The following PGGT1B variants were observed in gnomAD, a reference collection of about 807,000 sequenced individuals.
The protein encoded by PGGT1B is protein geranylgeranyltransferase type I subunit beta, also known as geranylgeranyl transferase type-1 subunit beta.
PGGT1B carries 30 observed loss-of-function variants against 46.1 expected under a neutral mutation model. That is an observed-to-expected ratio of 0.65 (90% CI 0.49 to 0.88). The LOEUF is 0.88. PGGT1B is among the 40% of genes least tolerant of loss of function. PGGT1B has a pLI of 0.00. For missense variants in PGGT1B, 376 were observed against 455.9 expected, an observed-to-expected ratio of 0.82 and a Z score of 1.60; for synonymous variants, 170 against 160.0, an observed-to-expected ratio of 1.06 and a Z score of -0.47.
At chr5:115,236,316 G>C in intron 5 of PGGT1B, 74 bp downstream of exon 5, 1 of 1,101,012 alleles carries the variant, frequency 9.1e-7, no homozygotes, top group South Asian at 1.6e-5. Context: ...GAAGAGATGA[G>C]ACATACACTA....
At chr5:115,247,670 A>G (rs1747912602) in intron 2 of PGGT1B, among the ~76,000 whole-genome samples, 1 of 152,200 alleles carries the variant, frequency 6.6e-6, no homozygotes, top group South Asian at 2.1e-4. Flanking sequence ...GAAACATTCA[A>G]TAGCTAAAAA....
chr5:115,219,771 A>C (rs1009681702), intron 7 of PGGT1B, among the ~76,000 whole-genome samples: 2 of 151,870 alleles, frequency 1.3e-5, no homozygotes, highest in African/African-American at 4.8e-5. Context: ...AAAAATAGGC[A>C]AAGGGTTTGA....
In PGGT1B at chr5:115,210,702, C is replaced by T. The variant is rs1756195177; in HGVS notation, c.*1700G>A. 1 of 151,814 alleles carries T rather than the reference C, an allele frequency of 6.6e-6. No individual in the cohort carries two copies. The highest frequency in any genetic ancestry group is 2.4e-5 in the African/African-American group (1 of 41,354). 9.4% of individuals were successfully genotyped at this position (151,814 alleles called of 1,614,324 possible). ...AAACAATTTGGGCTTTTTATATAGTCCTAAAGCCATTATATATATGCTACT... is the reference window on the plus strand; with the variant it reads ...AAACAATTTGGGCTTTTTATATAGTTCTAAAGCCATTATATATATGCTACT... On this transcript the variant is annotated 3_prime_UTR_variant, in exon 9 of 9. Coordinates refer to ENST00000419445, the MANE Select transcript of PGGT1B (RefSeq NM_005023.4).
intron 5 of PGGT1B, among the ~76,000 whole-genome samples, chr5:115,233,545 G>GA (rs202078462): frequency 0.012 from 1,521 of 131,840 alleles, 27 homozygotes; most frequent in African/African-American, 0.041. Flanking sequence ...AAAAAAGAAG[G>GA]AAAAAAAAAA....
At chr5:115,242,138 G>C (rs369699205) in intron 2 of PGGT1B, among the ~76,000 whole-genome samples, 45 of 152,280 alleles carry the variant, frequency 3.0e-4, no homozygotes, top group African/African-American at 1.1e-3. Flanking sequence ...CCTTCGTTCT[G>C]AGTCCAGTAA....
chr5:115,240,978 G>A (rs1165733368), intron 3 of PGGT1B, among the ~76,000 whole-genome samples: 2 of 152,170 alleles, frequency 1.3e-5, no homozygotes, highest in Non-Finnish European at 2.9e-5. Context: ...AGGACTCACT[G>A]TTTTTATATT....
intron 8 of PGGT1B, 33 bp downstream of exon 8, chr5:115,216,832 A>C: frequency 7.7e-6 from 8 of 1,032,532 alleles, no homozygotes; most frequent in Non-Finnish European, 1.2e-5. Flanking sequence ...TCAGGAAATA[A>C]AGGTTGTTCT....
chr5:115,219,322 C>T (rs1057406782), intron 7 of PGGT1B, among the ~76,000 whole-genome samples: 2 of 151,890 alleles, frequency 1.3e-5, no homozygotes, highest in African/African-American at 2.4e-5. Flanking sequence ...TGACTTTTGA[C>T]AAGGGTGCCA....
At chr5:115,254,275 C>T (rs1377199761) in intron 1 of PGGT1B, among the ~76,000 whole-genome samples, 1 of 151,948 alleles carries the variant, frequency 6.6e-6, no homozygotes, top group African/African-American at 2.4e-5. Context: ...GGGACCAGAA[C>T]TGTTTCAGAT....
intron 6 of PGGT1B, among the ~76,000 whole-genome samples, chr5:115,226,996 A>G (rs1372109125): frequency 1.3e-5 from 2 of 152,066 alleles, no homozygotes; most frequent in Non-Finnish European, 2.9e-5. Context: ...AATATTAGCA[A>G]CGTCCAGAGG....
rs1368483168 is a variant in PGGT1B, at chr5:115,209,083, C to A, written c.*3319G>T. 1 of 151,748 alleles carries A rather than the reference C, an allele frequency of 6.6e-6. No homozygotes were observed. Among genetic ancestry groups the A allele is most frequent in the East Asian group, 1.9e-4 (1 of 5,188 alleles). 9.4% of individuals were successfully genotyped at this position (151,748 alleles called of 1,614,324 possible). On this transcript the variant is annotated 3_prime_UTR_variant, in exon 9 of 9. Coordinates refer to ENST00000419445, the MANE Select transcript of PGGT1B (RefSeq NM_005023.4). ...GAGTGGCTCTAGGATGACTTCACAG[C>A]CTTAGAGCTCCCATTTTCACAGTGA...
At chr5:115,218,754 C>G (rs1157913509) in intron 7 of PGGT1B, among the ~76,000 whole-genome samples, 1 of 151,722 alleles carries the variant, frequency 6.6e-6, no homozygotes, top group Admixed American at 6.6e-5. Flanking sequence ...AAGCAATGAT[C>G]CTTAATGCCT....
At chr5:115,239,210 T>G (rs1757278240) in intron 3 of PGGT1B, among the ~76,000 whole-genome samples, 1 of 152,110 alleles carries the variant, frequency 6.6e-6, no homozygotes, top group East Asian at 1.9e-4. Context: ...ATCCAGCTAA[T>G]TTTTGTATTT....
intron 1 of PGGT1B, among the ~76,000 whole-genome samples, chr5:115,255,194 G>T (rs267305): frequency 0.12 from 18,758 of 152,144 alleles, 1,705 homozygotes; most frequent in East Asian, 0.31. Flanking sequence ...GAGTAACAAC[G>T]ACTTTAGGAT....
intron 1 of PGGT1B, among the ~76,000 whole-genome samples, chr5:115,259,562 A>G (rs1004080722): frequency 6.6e-6 from 1 of 151,898 alleles, no homozygotes; most frequent in East Asian, 1.9e-4. Flanking sequence ...GGTGGCACAC[A>G]CCTGTAGTCC....
At chr5:115,237,021 C>T (rs1757204523) in intron 4 of PGGT1B, among the ~76,000 whole-genome samples, 1 of 152,108 alleles carries the variant, frequency 6.6e-6, no homozygotes, top group African/African-American at 2.4e-5. Flanking sequence ...AGGCAGCAAT[C>T]TATGTTGTGT....
chr5:115,238,296 T>TTC (rs1757248420), intron 3 of PGGT1B, among the ~76,000 whole-genome samples: 1 of 113,560 alleles, frequency 8.8e-6, no homozygotes, highest in Non-Finnish European at 1.7e-5. Flanking sequence ...TTTGGATTTT[T>TTC]TTTTTTTTTT....
chr5:115,221,444 A>C (rs1030442488), intron 7 of PGGT1B, among the ~76,000 whole-genome samples: 1 of 152,064 alleles, frequency 6.6e-6, no homozygotes, highest in African/African-American at 2.4e-5. Context: ...TTTAAGATTA[A>C]TACCTTCCCA....
chr5:115,222,921 G>A (rs1243785840), intron 6 of PGGT1B, among the ~76,000 whole-genome samples: 1 of 152,162 alleles, frequency 6.6e-6, no homozygotes, highest in Non-Finnish European at 1.5e-5. Context: ...TGAACAATGA[G>A]AACACCTGGA....
Sources: allele counts gnomAD v4.1 joint callset (sites outside exome capture counted in the v4.1 genomes callset), GRCh38; gene constraint gnomAD v4.1.1; transcripts MANE v1.5; gene names NCBI Gene and HGNC (gene_info 2026-07-23, HGNC 2026-07-21).